PRDM4: variants seen among roughly 807,000 people sequenced by gnomAD.
PRDM4 encodes PR/SET domain 4.
In PRDM4, 38 loss-of-function variants were observed where a neutral mutation model predicts 62.3. The ratio of observed to expected loss-of-function variants is 0.61; its 90% CI spans 0.47 to 0.80. PRDM4 has a LOEUF of 0.80. PRDM4 is among the 30% of genes least tolerant of loss of function. The pLI, the probability that PRDM4 is intolerant of heterozygous loss-of-function variation, is 0.00. For missense variants in PRDM4, 858 were observed against 997.1 expected (o/e 0.86, Z 1.88); for synonymous variants, 339 against 348.2 (o/e 0.97, Z 0.30).
chr12:107,739,869 G>GAA (rs5800761), intron 10 of PRDM4, among the ~76,000 whole-genome samples: 5 of 132,500 alleles, frequency 3.8e-5, no homozygotes, highest in East Asian at 2.4e-4. Context: ...CAAACATAAA[G>GAA]AAAAAAAAAA....
chr12:107,751,339 C>CGTAAA, intron 5 of PRDM4, 76 bp downstream of exon 5: 1 of 1,445,404 alleles, frequency 6.9e-7, no homozygotes, highest in Non-Finnish European at 9.4e-7. Context: ...TAATGCCAAA[C>CGTAAA]TTTACGACTT....
chr12:107,749,118 T>C (rs888666393), intron 5 of PRDM4, among the ~76,000 whole-genome samples: 2 of 152,160 alleles, frequency 1.3e-5, no homozygotes, highest in African/African-American at 2.4e-5. Context: ...TTGATATCCC[T>C]AGCCCTCTTC....
rs1022417918 is a variant in PRDM4 at position 107,734,307 on chromosome 12, G to A, written c.2309C>T (p.Ser770Leu). 1.2e-6 allele frequency: 2 copies of A among 1,614,062 alleles called. No homozygotes were observed. Among genetic ancestry groups the A allele is most frequent in the Admixed American group, 1.7e-5 (1 of 59,996 alleles). The change falls in exon 12 of 12, where the codon TCA becomes TTA. Residue 770 changes from serine to leucine, a missense_variant. Physicochemically the swap from Ser to Leu is moderately radical, Grantham distance 145. This residue lies in a region of PRDM4 where 355 missense variants were observed against 432.6 expected (regional missense o/e 0.82). Coordinates refer to ENST00000228437, the MANE Select transcript of PRDM4 (RefSeq NM_012406.4). ...AGAGTCTGCTAGATCTTCCTCTTCTGAGTCATCCTCTTCTTCCTCCTCTGG... is the reference window on the plus strand; with the variant it reads ...AGAGTCTGCTAGATCTTCCTCTTCTAAGTCATCCTCTTCTTCCTCCTCTGG... ...SAPEEEEEDD[S>L]EEEDLADSVG...
intron 8 of PRDM4, 47 bp from the exon 9 acceptor site, chr12:107,742,395 A>G (rs2302734): frequency 0.37 from 585,345 of 1,593,358 alleles, 114,887 homozygotes; most frequent in Middle Eastern, 0.41. Flanking sequence ...TTTGAAATGC[A>G]TACTAAGTAC....
intron 4 of PRDM4, among the ~76,000 whole-genome samples, chr12:107,753,055 T>G (rs960205367): frequency 6.6e-6 from 1 of 152,074 alleles, no homozygotes; most frequent in Admixed American, 6.6e-5. Context: ...GTGAAAAAAG[T>G]AAAGACAGAC....
chr12:107,738,224 C>T (rs11113460), intron 11 of PRDM4: 44,567 of 152,032 alleles, frequency 0.29, 8,217 homozygotes, highest in Middle Eastern at 0.42. Context: ...CTAGATGATC[C>T]GGGGATCTCT....
chr12:107,749,877 T>C (rs1890836219), intron 5 of PRDM4, among the ~76,000 whole-genome samples: 1 of 152,178 alleles, frequency 6.6e-6, no homozygotes, highest in Admixed American at 6.5e-5. Flanking sequence ...ATGACCCCTC[T>C]CTTCACCCTC....
intron 10 of PRDM4, among the ~76,000 whole-genome samples, chr12:107,740,724 G>C (rs1318699264): frequency 6.6e-6 from 1 of 152,100 alleles, no homozygotes; most frequent in Non-Finnish European, 1.5e-5. Flanking sequence ...TGATTATTAA[G>C]TGCATTTTCC....
intron 10 of PRDM4, among the ~76,000 whole-genome samples, chr12:107,740,595 CAAT>C (rs1291272686): frequency 2.0e-5 from 3 of 151,914 alleles, no homozygotes; most frequent in African/African-American, 7.3e-5. Context: ...ATTTATTGAG[CAAT>C]AATATTAAAG....
intron 10 of PRDM4, among the ~76,000 whole-genome samples, chr12:107,740,655 G>GAGGCTC (rs1890488271): frequency 6.6e-6 from 1 of 152,118 alleles, no homozygotes; most frequent in Non-Finnish European, 1.5e-5. Flanking sequence ...GCTCTAATGA[G>GAGGCTC]AGGCTCAGAC....
intron 7 of PRDM4, among the ~76,000 whole-genome samples, chr12:107,743,597 C>T (rs1263467178): frequency 2.0e-5 from 3 of 152,198 alleles, no homozygotes; most frequent in Non-Finnish European, 2.9e-5. Flanking sequence ...ACCTATCACA[C>T]AGTAGGCACT....
chr12:107,760,820 AG>A, intron 1 of PRDM4, 49 bp from the exon 2 acceptor site: 1 of 308,170 alleles, frequency 3.2e-6, no homozygotes. Context: ...ACAAGGTCGC[AG>A]CCCCCATCCC....
At position 107,746,405 on chromosome 12, in the gene PRDM4, G is replaced by A. The variant is rs368322313; in HGVS notation, c.1146C>T (p.Arg382=). 38 of 1,609,360 alleles carry A rather than the reference G, an allele frequency of 2.4e-5. No homozygotes were observed. The highest frequency in any genetic ancestry group is 8.4e-5 in the Admixed American group (5 of 59,334). The change falls in exon 6 of 12, where the codon CGC becomes CGT. Residue 382 remains arginine, a synonymous_variant. Transcript: ENST00000228437. Reference sequence around the variant, plus strand: ...GTTCGGGACAGTCCGAGGGATAGGCGCGGTCACACAGAGTACACCCTGTAG... The same window carrying A: ...GTTCGGGACAGTCCGAGGGATAGGCACGGTCACACAGAGTACACCCTGTAG... ...LFTIWCTLCD[R]AYPSDCPEHG... is the part of the protein sequence containing the mutation.
chr12:107,752,810 C>T (rs537777853), intron 4 of PRDM4, among the ~76,000 whole-genome samples: 81 of 152,210 alleles, frequency 5.3e-4, no homozygotes, highest in African/African-American at 1.9e-3. Flanking sequence ...ACAAGAAATT[C>T]CACTTAAGGT....
chr12:107,738,297 T>C (rs957987791), intron 11 of PRDM4: 9 of 152,210 alleles, frequency 5.9e-5, no homozygotes, highest in Non-Finnish European at 1.2e-4. Flanking sequence ...TTTTGTAAAA[T>C]TTCATGCTAG....
chr12:107,735,577 A>G (rs1317268098), intron 11 of PRDM4, among the ~76,000 whole-genome samples: 3 of 151,794 alleles, frequency 2.0e-5, no homozygotes, highest in African/African-American at 7.3e-5. Flanking sequence ...GGGGTGGTAT[A>G]ATTAGTATCT....
intron 11 of PRDM4, among the ~76,000 whole-genome samples, chr12:107,736,196 C>T (rs754566958): frequency 2.6e-5 from 4 of 152,200 alleles, no homozygotes; most frequent in Non-Finnish European, 5.9e-5. Flanking sequence ...AACTAAGTCC[C>T]TGCTTTCATG....
chr12:107,746,128 G>T, intron 6 of PRDM4, 147 bp downstream of exon 6: 1 of 966,750 alleles, frequency 1.0e-6, no homozygotes, highest in Non-Finnish European at 1.5e-6. Flanking sequence ...CAGTGGACAA[G>T]ACTAATATTC....
chr12:107,743,206 C>T lies in PRDM4; in HGVS notation c.1472G>A (p.Arg491His), dbSNP rs756856962. Reference sequence around the variant, plus strand: ...CCAAGACTACTCATACCTGGCTTTGCGCACAAACATCATCCAATTACATTC... The same window carrying T: ...CCAAGACTACTCATACCTGGCTTTGTGCACAAACATCATCCAATTACATTC... ...ENECNWMMFV[R>H]KARNREEQNL... The change falls in exon 8 of 12, where the codon CGC becomes CAC. Residue 491 changes from arginine (R) to histidine (H), a missense_variant. Physicochemically the swap from Arg to His is conservative, Grantham distance 29 (BLOSUM62 0). Coordinates refer to ENST00000228437, the MANE Select transcript of PRDM4 (RefSeq NM_012406.4). The T allele has an allele frequency of 1.6e-5, 25 of 1,609,734 alleles. No individual in the cohort carries two copies. Among genetic ancestry groups the T allele is most frequent in the Admixed American group, 6.7e-5 (4 of 59,982 alleles).
Sources: allele counts gnomAD v4.1 joint callset (sites outside exome capture counted in the v4.1 genomes callset), GRCh38; gene constraint gnomAD v4.1.1; regional missense constraint gnomAD v4.1.1; transcripts MANE v1.5; gene names NCBI Gene and HGNC (gene_info 2026-07-23, HGNC 2026-07-21).